Variants in DAP observed in about 807,000 individuals in gnomAD.
DAP encodes death associated protein.
A neutral mutation model predicts 13.8 loss-of-function variants in DAP; 8 were observed. That is an observed-to-expected ratio of 0.58 (90% CI 0.34 to 1.05). The LOEUF is 1.05. Ranked by LOEUF, DAP falls within the 50% of genes least tolerant of loss-of-function variation. The pLI, the probability that DAP is intolerant of heterozygous loss-of-function variation, is 0.03. For synonymous variants in DAP, 47 were observed against 47.5 expected (o/e 0.99, Z 0.04); for missense variants, 106 against 133.2 (o/e 0.80, Z 1.01).
intron 1 of DAP, among the ~76,000 whole-genome samples, chr5:10,753,097 T>C (rs1740088977): frequency 6.6e-6 from 1 of 152,136 alleles, no homozygotes; most frequent in Non-Finnish European, 1.5e-5. Flanking sequence ...CGTCATTACA[T>C]CACCACCTGA....
At position 10,707,763 on chromosome 5, in the gene DAP, A is replaced by C. The variant is rs1036271998; in HGVS notation, c.153-24192T>G. On this transcript the variant is annotated intron_variant, in intron 2 of 3. Transcript: ENST00000230895. The surrounding 1 kb of genome is among the most constrained non-coding windows in gnomAD (Gnocchi z 4.0). The stretch of plus-strand genomic sequence containing the variant: ...GGCACACAGGTGGCGTGGCATAGGA[A>C]TCATGTGATGCACAGGTGCTATGGT... Among the ~76,000 whole-genome samples, 3 of 152,028 alleles carry C rather than the reference A, an allele frequency of 2.0e-5. No individual in the cohort carries two copies. Among genetic ancestry groups the C allele is most frequent in the African/African-American group, 4.8e-5 (2 of 41,374 alleles).
chr5:10,744,427 C>A (rs1235262040), intron 2 of DAP, among the ~76,000 whole-genome samples: 1 of 152,142 alleles, frequency 6.6e-6, no homozygotes, highest in Non-Finnish European at 1.5e-5. Flanking sequence ...CAGCCTAGTC[C>A]CCTGAAACCT....
Position 10,681,098 on chromosome 5 carries a change from A to G in DAP, c.267T>C (p.His89=). 2.5e-6 allele frequency: 4 copies of G among 1,590,598 alleles called. No homozygotes were observed. The highest frequency in any genetic ancestry group is 3.4e-6 in the Non-Finnish European group (4 of 1,167,634). The change falls in exon 4 of 4, where the codon CAT becomes CAC. Residue 89 remains histidine, a synonymous_variant. Transcript: ENST00000230895. ...GGATGTGCTGGGTTCTTGGGGAAGG[A>G]TGCTTGTCCATGGAGGCATGCGGCT... ...HQKPHASMDK[H]PSPRTQHIQQ... is the part of the protein sequence containing the mutation.
chr5:10,688,758 CTG>C (rs745847267), intron 2 of DAP, among the ~76,000 whole-genome samples: 17 of 152,174 alleles, frequency 1.1e-4, no homozygotes, highest in Non-Finnish European at 2.4e-4. Flanking sequence ...GTGGTCTACC[CTG>C]TGAGTACGCC....
chr5:10,703,771 G>A (rs909618445), intron 2 of DAP, among the ~76,000 whole-genome samples: 4 of 152,198 alleles, frequency 2.6e-5, no homozygotes. Flanking sequence ...AGCAGCCTGG[G>A]TGTGGGGGGC....
intron 2 of DAP, among the ~76,000 whole-genome samples, chr5:10,684,543 C>T (rs1251584270): frequency 4.6e-5 from 7 of 152,244 alleles, no homozygotes; most frequent in Admixed American, 3.3e-4. Flanking sequence ...GAAACACACA[C>T]TGTTAACGTG....
At chr5:10,746,590 A>G (rs1739912451) in intron 2 of DAP, among the ~76,000 whole-genome samples, 1 of 152,148 alleles carries the variant, frequency 6.6e-6, no homozygotes. Flanking sequence ...TCGGCCTCCC[A>G]AAGTGCTGGG....
At chr5:10,690,259 T>G (rs1409181032) in intron 2 of DAP, among the ~76,000 whole-genome samples, 1 of 152,158 alleles carries the variant, frequency 6.6e-6, no homozygotes, top group Non-Finnish European at 1.5e-5. Context: ...CTAAAGACAG[T>G]CCAAGCTCTC....
At chr5:10,730,759 T>G (rs1739436033) in intron 2 of DAP, among the ~76,000 whole-genome samples, 1 of 111,434 alleles carries the variant, frequency 9.0e-6, no homozygotes, top group Non-Finnish European at 1.8e-5. Flanking sequence ...AATCTTTCTC[T>G]ACTGAGAGCC....
intron 2 of DAP, among the ~76,000 whole-genome samples, chr5:10,724,459 C>G (rs1194851495): frequency 6.6e-6 from 1 of 152,170 alleles, no homozygotes; most frequent in African/African-American, 2.4e-5. Flanking sequence ...ACAAATCTTG[C>G]ACTACAGATG....
At chr5:10,756,908 A>C (rs956957571) in intron 1 of DAP, among the ~76,000 whole-genome samples, 1 of 22,226 alleles carries the variant, frequency 4.5e-5, no homozygotes, top group Non-Finnish European at 1.9e-4. Flanking sequence ...ATAACTCATC[A>C]AACAAGCACT....
chr5:10,705,569 G>A (rs1738678931), intron 2 of DAP, among the ~76,000 whole-genome samples: 2 of 152,248 alleles, frequency 1.3e-5, no homozygotes, highest in Non-Finnish European at 2.9e-5. Context: ...GTTCCATGCA[G>A]GGCCACATGC....
chr5:10,747,770 G>A (rs367856579), intron 2 of DAP, among the ~76,000 whole-genome samples: 2 of 152,330 alleles, frequency 1.3e-5, no homozygotes, highest in African/African-American at 4.8e-5. Flanking sequence ...GCTGGCAGCT[G>A]TGTCCACCAT....
intron 2 of DAP, among the ~76,000 whole-genome samples, chr5:10,711,136 C>T (rs1180881038): frequency 6.6e-6 from 1 of 152,160 alleles, no homozygotes; most frequent in East Asian, 1.9e-4. Context: ...GGTCCACACT[C>T]CCATGTTTTG....
chr5:10,699,753 G>GA (rs1471902297), intron 2 of DAP, among the ~76,000 whole-genome samples: 1 of 110,010 alleles, frequency 9.1e-6, no homozygotes, highest in Non-Finnish European at 1.7e-5. Context: ...GCAGGGGCAG[G>GA]AAGCAAGGGG....
At chr5:10,747,936 G>C (rs1739950153) in intron 2 of DAP, 1 of 416,720 alleles carries the variant, frequency 2.4e-6, no homozygotes, top group Admixed American at 3.9e-5. Context: ...CTGGGTGTGG[G>C]GTGGGGAACA....
At chr5:10,726,341 C>G (rs1212573287) in intron 2 of DAP, among the ~76,000 whole-genome samples, 3 of 152,254 alleles carry the variant, frequency 2.0e-5, no homozygotes, top group Non-Finnish European at 4.4e-5. Flanking sequence ...ATTGCAGAGA[C>G]TGGGATGGTG....
At chr5:10,691,176 G>A (rs1313138987) in intron 2 of DAP, among the ~76,000 whole-genome samples, 1 of 152,194 alleles carries the variant, frequency 6.6e-6, no homozygotes, top group Non-Finnish European at 1.5e-5. Context: ...TGGCTGTAAG[G>A]ACATATGGCA....
intron 2 of DAP, among the ~76,000 whole-genome samples, chr5:10,691,127 G>A (rs1001541003): frequency 8.5e-5 from 13 of 152,118 alleles, no homozygotes; most frequent in East Asian, 1.9e-4. Flanking sequence ...ACCAAAAGTC[G>A]CCCCCAAAAT....
Sources: gnomAD v4.1 joint callset for allele counts (sites outside exome capture counted in the v4.1 genomes callset) on GRCh38, gnomAD v4.1.1 for gene constraint, Gnocchi (gnomAD v3.1) non-coding constraint, MANE v1.5 for transcripts, NCBI Gene and HGNC (gene_info 2026-07-23, HGNC 2026-07-21) for gene names.